The following XKR3 variants were observed in gnomAD, a reference collection of about 807,000 sequenced individuals.
XKR3 encodes XK related 3, also known as XK-related protein 3.
XKR3 carries 27 observed loss-of-function variants against 40.3 expected under a neutral mutation model. The ratio of observed to expected loss-of-function variants is 0.67; its 90% CI spans 0.49 to 0.92. The LOEUF is 0.92. XKR3 is among the 40% of genes least tolerant of loss of function. XKR3 has a pLI of 0.00. For missense variants in XKR3, 472 were observed against 537.6 expected (o/e 0.88, Z 1.21); for synonymous variants, 193 against 195.4 (o/e 0.99, Z 0.10).
chr22:16,806,129 G>A (rs533047580), intron 2 of XKR3, among the ~76,000 whole-genome samples: 24 of 152,012 alleles, frequency 1.6e-4, no homozygotes, highest in African/African-American at 5.8e-4. Flanking sequence ...CATGGTTGTG[G>A]GCACCTATAA....
At chr22:16,810,749 G>A (rs557753064) in intron 1 of XKR3, among the ~76,000 whole-genome samples, 7 of 152,014 alleles carry the variant, frequency 4.6e-5, no homozygotes, top group Non-Finnish European at 8.8e-5. Context: ...CTAAAACCAT[G>A]GTCCTTATAA....
At chr22:16,801,154 T>C (rs1024221507) in intron 2 of XKR3, among the ~76,000 whole-genome samples, 9 of 152,186 alleles carry the variant, frequency 5.9e-5, no homozygotes, top group Non-Finnish European at 8.8e-5. Context: ...TTTAAAATAA[T>C]GACTAGAAAA....
intron 2 of XKR3, among the ~76,000 whole-genome samples, chr22:16,803,623 G>T (rs1201699323): frequency 6.6e-6 from 1 of 152,152 alleles, no homozygotes; most frequent in African/African-American, 2.4e-5. Flanking sequence ...AAAACAGGTT[G>T]CAGCAAAGGA....
intron 2 of XKR3, among the ~76,000 whole-genome samples, chr22:16,802,945 A>T (rs934910019): frequency 1.1e-4 from 16 of 152,216 alleles, no homozygotes; most frequent in African/African-American, 2.9e-4. Flanking sequence ...CACACAAGTT[A>T]AAAAGTTGGC....
intron 3 of XKR3, among the ~76,000 whole-genome samples, chr22:16,788,313 C>T (rs2060099635): frequency 6.6e-6 from 1 of 151,918 alleles, no homozygotes; most frequent in Admixed American, 6.6e-5. Flanking sequence ...AAAGTTATGG[C>T]AATAAATGTC....
chr22:16,790,159 G>A (rs1354619851), intron 3 of XKR3, among the ~76,000 whole-genome samples: 5 of 151,454 alleles, frequency 3.3e-5, no homozygotes, highest in South Asian at 4.2e-4. Flanking sequence ...TTTTAAAAAC[G>A]TTTAAAAATA....
At chr22:16,790,134 T>A (rs1281494764) in intron 3 of XKR3, among the ~76,000 whole-genome samples, 1 of 152,042 alleles carries the variant, frequency 6.6e-6, no homozygotes, top group Non-Finnish European at 1.5e-5. Context: ...TGAGACCTCA[T>A]CTGTAAAAAT....
In XKR3 at chr22:16,808,206, C is replaced by T. The variant is rs1336671874; in HGVS notation, c.-10-123G>A. 183 of 663,198 alleles carry T rather than the reference C, an allele frequency of 2.8e-4. 1 individual carries two copies. Among genetic ancestry groups the T allele is most frequent in the Non-Finnish European group, 2.0e-5 (8 of 408,036 alleles). 41.1% of individuals were successfully genotyped at this position (663,198 alleles called of 1,614,324 possible). A position where few individuals can be genotyped will look rare whatever the true frequency, so the allele number is the denominator to read the frequency against. The stretch of plus-strand genomic sequence containing the variant: ...AAAATGTTAACAGGTAGATATGGAT[C>T]ACTAATCAGAATAGAAAAATCCATG... On this transcript the variant is annotated intron_variant, in intron 1 of 3. Transcript: ENST00000684488.
chr22:16,812,761 C>T (rs760596977), intron 1 of XKR3, among the ~76,000 whole-genome samples: 2 of 152,142 alleles, frequency 1.3e-5, no homozygotes, highest in Non-Finnish European at 2.9e-5. Flanking sequence ...TACTTACATA[C>T]AGAAGATTTT....
intron 2 of XKR3, 39 bp downstream of exon 2, chr22:16,807,700 T>C (rs749397676): frequency 5.4e-6 from 8 of 1,482,472 alleles, no homozygotes; most frequent in African/African-American, 1.4e-5. Flanking sequence ...TCAATTTACT[T>C]GTTGGAGGCA....
chr22:16,824,437 A>G (rs906864812), intron 1 of XKR3, among the ~76,000 whole-genome samples: 2 of 152,130 alleles, frequency 1.3e-5, no homozygotes, highest in African/African-American at 2.4e-5. Context: ...GAAAGAAAAT[A>G]AGTTGCAGCT....
intron 1 of XKR3, among the ~76,000 whole-genome samples, chr22:16,824,982 C>T (rs1262908594): frequency 6.7e-6 from 1 of 148,336 alleles, no homozygotes; most frequent in Non-Finnish European, 1.5e-5. Context: ...ATCTGAATAA[C>T]AAAAAATATG....
intron 1 of XKR3, among the ~76,000 whole-genome samples, chr22:16,819,049 A>C (rs2060245239): frequency 6.6e-6 from 1 of 152,172 alleles, no homozygotes; most frequent in African/African-American, 2.4e-5. Flanking sequence ...CAACTGCTCC[A>C]AAAAATGTGA....
At chr22:16,800,878 T>C (rs2146159395) in intron 2 of XKR3, among the ~76,000 whole-genome samples, 2 of 152,164 alleles carry the variant, frequency 1.3e-5, no homozygotes, top group South Asian at 4.1e-4. Flanking sequence ...TATGAAAAAA[T>C]AATGCTTCTC....
intron 3 of XKR3, among the ~76,000 whole-genome samples, chr22:16,797,725 G>C (rs1357761582): frequency 6.6e-6 from 1 of 150,924 alleles, no homozygotes; most frequent in Non-Finnish European, 1.5e-5. Flanking sequence ...CCCAGGAGGC[G>C]GAACTTGCAG....
intron 1 of XKR3, among the ~76,000 whole-genome samples, chr22:16,822,478 A>G (rs2060261014): frequency 6.6e-6 from 1 of 152,206 alleles, no homozygotes. Context: ...CAATCAGCAC[A>G]TTAACTGTAA....
intron 3 of XKR3, among the ~76,000 whole-genome samples, chr22:16,785,730 C>T (rs1284041117): frequency 6.6e-6 from 1 of 151,968 alleles, no homozygotes; most frequent in Non-Finnish European, 1.5e-5. Context: ...CGGGCATAGA[C>T]CCAGATACTC....
intron 2 of XKR3, among the ~76,000 whole-genome samples, chr22:16,807,103 A>G (rs889864280): frequency 3.9e-4 from 59 of 152,202 alleles, no homozygotes; most frequent in African/African-American, 1.4e-3. Flanking sequence ...GAAAGTTATA[A>G]AAGAATTTAC....
chr22:16,812,673 T>TA (rs1277098067), intron 1 of XKR3, among the ~76,000 whole-genome samples: 1 of 152,090 alleles, frequency 6.6e-6, no homozygotes, highest in Non-Finnish European at 1.5e-5. Flanking sequence ...TGAATCCGTC[T>TA]AAAAAATAAT....
Sources: allele counts gnomAD v4.1 joint callset (sites outside exome capture counted in the v4.1 genomes callset), GRCh38; gene constraint gnomAD v4.1.1; transcripts MANE v1.5; gene names NCBI Gene and HGNC (gene_info 2026-07-23, HGNC 2026-07-21).